DSC3: variants seen among roughly 807,000 people sequenced by gnomAD.
DSC3 encodes the protein desmocollin 3.
A neutral mutation model predicts 89.5 loss-of-function variants in DSC3; 97 were observed. The ratio of observed to expected loss-of-function variants is 1.08; its 90% confidence interval spans 0.92 to 1.28. DSC3 has a LOEUF of 1.28. DSC3 is among the 50% of genes most tolerant of loss of function. DSC3 has a pLI of 0.00. For synonymous variants in DSC3, 436 were observed against 384.1 expected, an observed-to-expected ratio of 1.14 and a Z score of -1.58; for missense variants, 1,199 against 1,085.3, an observed-to-expected ratio of 1.10 and a Z score of -1.47.
Position 31,006,908 on chromosome 18 carries a change from A to T in DSC3, c.1887T>A (p.Asn629Lys), listed in dbSNP as rs114495816. Reference sequence around the variant, plus strand: ...AAATCATTATTTTTTATTAAATACCATTAACTTTGGTGAGGCTCCACAGTC... The same window carrying T: ...AAATCATTATTTTTTATTAAATACCTTTAACTTTGGTGAGGCTCCACAGTC... ...ISRLWSLTKV[N>K]DTAARLSYQK... Residue 629 changes from asparagine (N) to lysine (K), a missense_variant and splice_region_variant, in exon 12 of 16, where the codon AAT (asparagine) becomes AAA (lysine). Coordinates refer to ENST00000360428, the MANE Select transcript of DSC3 (RefSeq NM_001941.5). 1.6e-5 allele frequency: 25 copies of T among 1,603,392 alleles called. No individual in the cohort carries two copies. In the East Asian group the frequency reaches 5.1e-4, roughly 33 times the overall value.
intron 9 of DSC3, among the ~76,000 whole-genome samples, chr18:31,008,962 A>G (rs1043821775): frequency 4.6e-5 from 7 of 152,166 alleles, no homozygotes; most frequent in African/African-American, 1.2e-4. Context: ...ACTCTTGTAA[A>G]GTTTGATGTT....
intron 12 of DSC3, among the ~76,000 whole-genome samples, chr18:31,006,236 G>A (rs1984834839): frequency 6.6e-6 from 1 of 152,056 alleles, no homozygotes; most frequent in Admixed American, 6.5e-5. Flanking sequence ...CACTTCCAGA[G>A]TCAGCTTACA....
At chr18:31,023,184 GA>G (rs1295396561) in intron 6 of DSC3, among the ~76,000 whole-genome samples, 5 of 151,940 alleles carry the variant, frequency 3.3e-5, no homozygotes, top group African/African-American at 1.2e-4. Context: ...TTGAAAAAGG[GA>G]AAGCATACCC....
chr18:30,996,004 A>AAAAAAAAAAAAAAG (rs1380162048), intron 15 of DSC3, among the ~76,000 whole-genome samples: 9 of 143,742 alleles, frequency 6.3e-5, no homozygotes, highest in African/African-American at 2.3e-4. Flanking sequence ...AAAAAAGAAA[A>AAAAAAAAAAAAAAG]GAAAGAAAAA....
intron 13 of DSC3, 34 bp from the exon 14 acceptor site, chr18:31,001,773 T>G (rs1377167672): frequency 6.7e-7 from 1 of 1,486,000 alleles, no homozygotes; most frequent in Non-Finnish European, 9.2e-7. Context: ...ATAACTTACT[T>G]TAGCATACAT....
At chr18:31,005,622 T>C (rs1984812277) in intron 12 of DSC3, among the ~76,000 whole-genome samples, 1 of 152,226 alleles carries the variant, frequency 6.6e-6, no homozygotes, top group Non-Finnish European at 1.5e-5. Flanking sequence ...TCTTCTTTTA[T>C]GCACATTATT....
chr18:31,015,931 A>G (rs917522780), intron 9 of DSC3, among the ~76,000 whole-genome samples: 1 of 152,140 alleles, frequency 6.6e-6, no homozygotes, highest in Non-Finnish European at 1.5e-5. Flanking sequence ...CAGTCAAGAA[A>G]CCAGCCACAA....
rs775187201 is a variant in DSC3 at position 31,036,798 on chromosome 18, C to CTTTTTTTTTTTTTTTTTTTTTTTTTTTTT, written c.70-4523_70-4522insAAAAAAAAAAAAAAAAAAAAAAAAAAAAA. 1.7e-4 allele frequency among the ~76,000 whole-genome samples: 18 copies of CTTTTTTTTTTTTTTTTTTTTTTTTTTTTT among 107,430 alleles called. 3 individuals are homozygous for CTTTTTTTTTTTTTTTTTTTTTTTTTTTTT. In the East Asian group the frequency reaches 1.8e-3, roughly 11 times the overall value. The allele number at this position is 107,430 out of a possible 152,430, so 70.5% of individuals were successfully genotyped here. Reference sequence around the variant, plus strand: ...TATTTCCTTTTTGCTTTCTTTCTTCCTTTTTTTTTTTTGAGATGGAATCTT... The same window carrying CTTTTTTTTTTTTTTTTTTTTTTTTTTTTT: ...TATTTCCTTTTTGCTTTCTTTCTTCCTTTTTTTTTTTTTTTTTTTTTTTTTTTTTTTTTTTTTTTTTGAGATGGAATCTT... On this transcript the variant is annotated intron_variant, in intron 1 of 15. Coordinates refer to ENST00000360428, the MANE Select transcript of DSC3 (RefSeq NM_001941.5).
chr18:31,014,007 AAAT>A (rs879342780), intron 9 of DSC3, among the ~76,000 whole-genome samples: 1 of 152,148 alleles, frequency 6.6e-6, no homozygotes, highest in Non-Finnish European at 1.5e-5. Context: ...TGAACTAGTT[AAAT>A]AATAATTTAC....
At chr18:31,026,981 C>T (rs1407173933) in intron 4 of DSC3, among the ~76,000 whole-genome samples, 1 of 152,024 alleles carries the variant, frequency 6.6e-6, no homozygotes, top group African/African-American at 2.4e-5. Flanking sequence ...AGATTAGAAC[C>T]TTTTTACCAG....
At chr18:31,022,236 TA>T (rs1985445526) in intron 7 of DSC3, 99 bp downstream of exon 7, 1 of 1,416,022 alleles carries the variant, frequency 7.1e-7, no homozygotes, top group Non-Finnish European at 9.8e-7. Context: ...ATGCCTAAAA[TA>T]AAATTAAACT....
At chr18:31,001,508 A>T in intron 14 of DSC3, 110 bp downstream of exon 14, 2 of 1,287,028 alleles carry the variant, frequency 1.6e-6, no homozygotes, top group Non-Finnish European at 1.1e-6. Flanking sequence ...ATGCCTATGA[A>T]ATCTGATTCA....
At position 31,004,378 on chromosome 18, in the gene DSC3, T is replaced by C. The variant is rs777909684; in HGVS notation, c.1889-12A>G. The C allele has an allele frequency of 9.3e-6, 15 of 1,607,454 alleles. No individual in the cohort carries two copies. Among genetic ancestry groups the C allele is most frequent in the Admixed American group, 8.4e-5 (5 of 59,812 alleles). ...ACGGGCAGCTGTATCTGAAAGAAAA[T>C]AAAAGAAGTTTATTTTTTAATGATC... On this transcript the variant is annotated splice_polypyrimidine_tract_variant and intron_variant, in intron 12 of 15. Transcript: ENST00000360428.
chr18:31,029,406 T>C, intron 4 of DSC3, 103 bp downstream of exon 4: 1 of 1,452,934 alleles, frequency 6.9e-7, no homozygotes, highest in Non-Finnish European at 9.6e-7. Flanking sequence ...TGAACATCTT[T>C]AATCAGATCT....
chr18:31,001,265 CT>C (rs572686503), intron 14 of DSC3, among the ~76,000 whole-genome samples: 3 of 151,418 alleles, frequency 2.0e-5, no homozygotes, highest in South Asian at 2.1e-4. Flanking sequence ...TTTTAGCAAG[CT>C]TTTTTCCCCA....
chr18:31,004,450 G>A, intron 12 of DSC3, 84 bp from the exon 13 acceptor site: 2 of 1,295,380 alleles, frequency 1.5e-6, no homozygotes, highest in South Asian at 1.3e-5. Flanking sequence ...GTTTTTGAAG[G>A]CGTCATTCTC....
chr18:31,032,229 T>A lies in DSC3; in HGVS notation c.117A>T (p.Val39=). 2 of 1,613,836 alleles carry A rather than the reference T, an allele frequency of 1.2e-6. No individual in the cohort carries two copies. The highest frequency in any genetic ancestry group is 1.7e-6 in the Non-Finnish European group (2 of 1,179,782). ...GEACKKVILN[V]PSKLEADKII... ...TTTTGTCTGCCTCTAGTTTAGAAGGTACATTAAGTATCACCTTTTTGCAGG... is the reference window on the plus strand; with the variant it reads ...TTTTGTCTGCCTCTAGTTTAGAAGGAACATTAAGTATCACCTTTTTGCAGG... Residue 39 remains valine, a synonymous_variant, in exon 2 of 16, where the codon GTA becomes GTT. Coordinates refer to ENST00000360428, the MANE Select transcript of DSC3 (RefSeq NM_001941.5).
intron 1 of DSC3, among the ~76,000 whole-genome samples, chr18:31,036,530 A>G (rs1318696420): frequency 6.6e-6 from 1 of 151,932 alleles, no homozygotes; most frequent in Non-Finnish European, 1.5e-5. Context: ...TATACCAGAT[A>G]CTCAAAAACC....
In DSC3 at chr18:31,034,995, A is replaced by AAAG. The variant is rs1211092777; in HGVS notation, c.70-2720_70-2719insCTT. 3.6e-3 allele frequency among the ~76,000 whole-genome samples: 549 copies of AAAG among 152,294 alleles called. 2 individuals carry two copies. Among genetic ancestry groups the AAAG allele is most frequent in the African/African-American group, 0.012 (482 of 41,572 alleles). On this transcript the variant is annotated intron_variant, in intron 1 of 15. Coordinates refer to ENST00000360428, the MANE Select transcript of DSC3 (RefSeq NM_001941.5). ...AAAACAAAAAAGGACACTGTCATTG[A>AAAG]TCAAAAAAATGACTTTCCACAATCA...
Sources: allele counts gnomAD v4.1 joint callset (sites outside exome capture counted in the v4.1 genomes callset), GRCh38; gene constraint gnomAD v4.1.1; transcripts MANE v1.5; gene names NCBI Gene and HGNC (gene_info 2026-07-23, HGNC 2026-07-21).